The following LRRC52 variants were observed in gnomAD, a reference collection of about 807,000 sequenced individuals.
LRRC52 encodes the protein leucine rich repeat containing 52, also known as leucine-rich repeat-containing protein 52.
In LRRC52, 15 loss-of-function variants were observed where a neutral mutation model predicts 14.7. The observed-to-expected ratio is 1.02, with a 90% CI of 0.68 to 1.58. The LOEUF (loss-of-function observed/expected upper bound fraction) is 1.58, where lower values mean the gene tolerates loss of function less well. Among genes scored for constraint, LRRC52 ranks in the 40% most tolerant of loss-of-function variants. LRRC52 has a pLI of 0.00. For synonymous variants in LRRC52, 180 were observed against 163.9 expected, an observed-to-expected ratio of 1.10 and a Z score of -0.75; for missense variants, 400 against 387.7, an observed-to-expected ratio of 1.03 and a Z score of -0.27.
chr1:165,544,853 G>A lies in LRRC52; in HGVS notation c.557G>A (p.Trp186Ter), dbSNP rs1347906014. 5.0e-6 allele frequency: 8 copies of A among 1,613,748 alleles called. No individual in the cohort carries two copies. The highest frequency in any genetic ancestry group is 6.8e-6 in the Non-Finnish European group (8 of 1,179,766). The change falls in exon 1 of 2, where the codon TGG becomes TAG. Residue 186 changes from tryptophan to a stop codon, truncating the protein, a stop_gained. Coordinates refer to ENST00000294818, the MANE Select transcript of LRRC52 (RefSeq NM_001005214.4). LOFTEE classifies it high-confidence loss of function. Reference protein sequence around the residue: ...LETLFLSGNPWKCNCSFLDFA... With the variant: ...LETLFLSGNP ...ACCCTGTTTCTGAGTGGAAACCCCT[G>A]GAAGTGCAACTGCTCTTTCCTGGAC... is the stretch of plus-strand genomic sequence containing the variant.
intron 1 of LRRC52, among the ~76,000 whole-genome samples, chr1:165,560,570 G>A (rs1019794648): frequency 6.6e-6 from 1 of 152,154 alleles, no homozygotes; most frequent in Admixed American, 6.5e-5. Flanking sequence ...GAAATGCTAG[G>A]GATGAGTTCA....
intron 1 of LRRC52, among the ~76,000 whole-genome samples, chr1:165,553,714 ACCCCCTCTGCCCTCTGGGACT>A (rs1661180662): frequency 6.6e-6 from 1 of 151,952 alleles, no homozygotes; most frequent in Non-Finnish European, 1.5e-5. Flanking sequence ...GGGGAGTGGC[ACCCCCTCTGCCCTCTGGGACT>A]GCAGAGAAGG....
In LRRC52 at chr1:165,563,661, C is replaced by G. The variant is rs1217642223; in HGVS notation, c.779C>G (p.Thr260Ser). 1.9e-6 allele frequency: 3 copies of G among 1,614,230 alleles called. No individual in the cohort carries two copies. Among genetic ancestry groups the G allele is most frequent in the South Asian group, 2.2e-5 (2 of 91,090 alleles). ...LIGFCIFAAG[T>S]VAAWLTGVCA... ...GGCTTCTGCATCTTCGCCGCGGGAACTGTGGCTGCCTGGCTCACAGGTGTG... is the reference window on the plus strand; with the variant it reads ...GGCTTCTGCATCTTCGCCGCGGGAAGTGTGGCTGCCTGGCTCACAGGTGTG... Residue 260 changes from threonine (T) to serine (S), a missense_variant, in exon 2 of 2, where the codon ACT (threonine) becomes AGT (serine). Thr to Ser is a moderately conservative substitution (Grantham distance 58). Transcript: ENST00000294818.
At chr1:165,548,857 TAA>T (rs1183086324) in intron 1 of LRRC52, among the ~76,000 whole-genome samples, 1 of 152,136 alleles carries the variant, frequency 6.6e-6, no homozygotes, top group Non-Finnish European at 1.5e-5. Context: ...TACAGGATAC[TAA>T]GAGAGTAGAA....
chr1:165,551,193 T>C (rs548189073), intron 1 of LRRC52, among the ~76,000 whole-genome samples: 18 of 151,744 alleles, frequency 1.2e-4, no homozygotes, highest in African/African-American at 4.3e-4. Context: ...ACTAAAACAA[T>C]GCCTCCACCC....
chr1:165,553,524 CAAAT>C (rs1661177077), intron 1 of LRRC52, among the ~76,000 whole-genome samples: 2 of 152,152 alleles, frequency 1.3e-5, no homozygotes, highest in Non-Finnish European at 2.9e-5. Flanking sequence ...GGAGAGAAAA[CAAAT>C]GAAGAAGGAG....
At chr1:165,555,453 G>A (rs2433138) in intron 1 of LRRC52, among the ~76,000 whole-genome samples, 147,439 of 152,270 alleles carry the variant, frequency 0.97, 71,561 homozygotes, top group East Asian at 1. Context: ...GCCAGGTCAC[G>A]TAGGGTAGAT....
chr1:165,558,181 G>A (rs1003680520), intron 1 of LRRC52, among the ~76,000 whole-genome samples: 1 of 152,202 alleles, frequency 6.6e-6, no homozygotes, highest in Non-Finnish European at 1.5e-5. Flanking sequence ...TGAGCAATAT[G>A]TTGTGTACAG....
At chr1:165,549,605 G>T (rs1017658550) in intron 1 of LRRC52, among the ~76,000 whole-genome samples, 2 of 152,178 alleles carry the variant, frequency 1.3e-5, no homozygotes, top group African/African-American at 4.8e-5. Context: ...TTGGGAATTT[G>T]ATTAGCTAAG....
intron 1 of LRRC52, among the ~76,000 whole-genome samples, chr1:165,552,432 A>C (rs1661150173): frequency 6.6e-6 from 1 of 152,174 alleles, no homozygotes; most frequent in Non-Finnish European, 1.5e-5. Flanking sequence ...ATGGGGGCCC[A>C]GCTAGGAAGG....
intron 1 of LRRC52, among the ~76,000 whole-genome samples, chr1:165,558,665 G>T (rs1486569085): frequency 1.3e-5 from 2 of 151,870 alleles, no homozygotes; most frequent in Non-Finnish European, 2.9e-5. Flanking sequence ...GAAGTTAAAT[G>T]ATTTTTTTAA....
intron 1 of LRRC52, among the ~76,000 whole-genome samples, chr1:165,557,581 G>A (rs1571111351): frequency 6.6e-6 from 1 of 152,142 alleles, no homozygotes; most frequent in Admixed American, 6.6e-5. Context: ...AATCTAATGA[G>A]TGGAGTCAGA....
chr1:165,557,777 A>G (rs141650023), intron 1 of LRRC52, among the ~76,000 whole-genome samples: 3 of 152,220 alleles, frequency 2.0e-5, no homozygotes, highest in African/African-American at 7.2e-5. Flanking sequence ...CAAGGTGCAT[A>G]AAGCTGATAG....
intron 1 of LRRC52, among the ~76,000 whole-genome samples, chr1:165,552,442 G>A (rs1174640954): frequency 6.6e-6 from 1 of 152,132 alleles, no homozygotes; most frequent in East Asian, 1.9e-4. Flanking sequence ...AGCTAGGAAG[G>A]GCCTTGAATG....
At chr1:165,552,226 C>T (rs546357876) in intron 1 of LRRC52, among the ~76,000 whole-genome samples, 18 of 152,224 alleles carry the variant, frequency 1.2e-4, no homozygotes, top group African/African-American at 4.1e-4. Flanking sequence ...AGTAGGTGAT[C>T]GAAGGTTACT....
At position 165,544,116 on chromosome 1, in the gene LRRC52, T is replaced by C. The variant is rs918019133; in HGVS notation, c.-181T>C. On this transcript the variant is annotated 5_prime_UTR_variant, in exon 1 of 2. Transcript: ENST00000294818. ...AGCCACCAAGCTGGGCGGCAGGGCA[T>C]TGAGCCTCGCGTTTCAATTTCTGTT... is the stretch of plus-strand genomic sequence containing the variant. 1.1e-5 allele frequency: 8 copies of C among 751,112 alleles called. No homozygotes were observed. In the African/African-American group the frequency reaches 1.2e-4, roughly 12 times the overall value. The allele number at this position is 751,112 out of a possible 1,614,324, so 46.5% of individuals were successfully genotyped here.
chr1:165,563,621 T>G lies in LRRC52; in HGVS notation c.739T>G (p.Phe247Val). Reference protein sequence around the residue: ...ITHLDHKDYIFLLLIGFCIFA... With the variant: ...ITHLDHKDYIVLLLIGFCIFA... ...GCACCTGGACCACAAAGACTACATC[T>G]TCCTGCTGCTCATCGGCTTCTGCAT... Residue 247 changes from phenylalanine to valine, a missense_variant, in exon 2 of 2, where the codon TTC becomes GTC. Coordinates refer to ENST00000294818, the MANE Select transcript of LRRC52 (RefSeq NM_001005214.4). 1 of 1,614,252 alleles carries G rather than the reference T, an allele frequency of 6.2e-7. No homozygotes were observed. The highest frequency in any genetic ancestry group is 8.5e-7 in the Non-Finnish European group (1 of 1,180,040).
Position 165,563,499 on chromosome 1 carries a change from T to C in LRRC52, c.623-6T>C. ...AGCACCCTGCCTGCTGTGTTTTTCTTCTTAGATGATCTAAATGCCACATGT... is the reference window on the plus strand; with the variant it reads ...AGCACCCTGCCTGCTGTGTTTTTCTCCTTAGATGATCTAAATGCCACATGT... On this transcript the variant is annotated splice_polypyrimidine_tract_variant and splice_region_variant and intron_variant, in intron 1 of 1. Transcript: ENST00000294818. The C allele has an allele frequency of 6.2e-7, 1 of 1,607,650 alleles. No homozygotes were observed. The highest frequency in any genetic ancestry group is 8.5e-7 in the Non-Finnish European group (1 of 1,176,202).
intron 1 of LRRC52, among the ~76,000 whole-genome samples, chr1:165,553,233 G>C (rs1157732786): frequency 1.3e-5 from 2 of 152,152 alleles, no homozygotes; most frequent in Non-Finnish European, 2.9e-5. Context: ...AACTCATGTA[G>C]GACAGCAGGA....
Sources: gnomAD v4.1 joint callset for allele counts (sites outside exome capture counted in the v4.1 genomes callset) on GRCh38, gnomAD v4.1.1 for gene constraint, MANE v1.5 for transcripts, NCBI Gene and HGNC (gene_info 2026-07-23, HGNC 2026-07-21) for gene names.